ZNF512: variants seen among roughly 807,000 people sequenced by gnomAD.
ZNF512 encodes zinc finger protein 512.
A neutral mutation model predicts 77.5 loss-of-function variants in ZNF512; 25 were observed. The observed-to-expected ratio is 0.32, with a 90% CI of 0.23 to 0.45. The LOEUF is 0.45. ZNF512 is among the 20% of genes least tolerant of loss of function. The pLI is 1.00. For missense variants in ZNF512, 483 were observed against 692.6 expected (o/e 0.70, Z 3.40); for synonymous variants, 246 against 239.9 (o/e 1.03, Z -0.24).
intron 9 of ZNF512, among the ~76,000 whole-genome samples, chr2:27,606,268 G>A (rs1672354772): frequency 7.8e-6 from 1 of 128,718 alleles, no homozygotes; most frequent in South Asian, 2.5e-4. Context: ...GAAGAACAGA[G>A]TTTTAAATTT....
intron 10 of ZNF512, among the ~76,000 whole-genome samples, chr2:27,614,735 C>T (rs1056917006): frequency 6.6e-6 from 1 of 150,696 alleles, no homozygotes; most frequent in East Asian, 1.9e-4. Context: ...TTGATTTATA[C>T]ACTTCTAACC....
chr2:27,617,663 A>G (rs1237041456), intron 13 of ZNF512, 92 bp downstream of exon 13: 3 of 699,126 alleles, frequency 4.3e-6, no homozygotes, highest in Non-Finnish European at 5.3e-6. Flanking sequence ...TGTCAAGGAA[A>G]GTATCTCTAA....
intron 11 of ZNF512, among the ~76,000 whole-genome samples, chr2:27,615,761 A>G (rs901012894): frequency 2.6e-5 from 4 of 152,206 alleles, no homozygotes; most frequent in Non-Finnish European, 5.9e-5. Context: ...AGGAAGGGTA[A>G]ATAGACTCCA....
In ZNF512 at chr2:27,610,380, A is replaced by T. The variant is rs1462408876; in HGVS notation, c.1131+2341A>T. 1.4e-4 allele frequency among the ~76,000 whole-genome samples: 21 copies of T among 147,928 alleles called. No homozygotes were observed. The South Asian group carries it at 4.5e-3, about 31-fold the overall frequency. ...CTCCGTATCAAAAAAAAAAAAAATA[A>T]ATAAATAAATATTTGTTAACTCATT... On this transcript the variant is annotated intron_variant, in intron 10 of 13. Coordinates refer to ENST00000355467, the MANE Select transcript of ZNF512 (RefSeq NM_032434.4).
At chr2:27,593,769 T>TCTTC in intron 2 of ZNF512, among the ~76,000 whole-genome samples, 2 of 151,388 alleles carry the variant, frequency 1.3e-5, no homozygotes, top group African/African-American at 4.9e-5. Context: ...TGCCTTAGTA[T>TCTTC]CTTTCTTTCT....
intron 2 of ZNF512, among the ~76,000 whole-genome samples, chr2:27,591,403 T>C (rs538205827): frequency 6.6e-6 from 1 of 152,274 alleles, no homozygotes; most frequent in African/African-American, 2.4e-5. Context: ...AATGTACAAT[T>C]AAGTTCTTAA....
At chr2:27,617,705 T>C (rs1472159917) in intron 13 of ZNF512, 134 bp downstream of exon 13, 1 of 579,752 alleles carries the variant, frequency 1.7e-6, no homozygotes, top group African/African-American at 1.9e-5. Flanking sequence ...AGTTAAAATA[T>C]TCTCTAAACT....
intron 10 of ZNF512, among the ~76,000 whole-genome samples, chr2:27,608,324 G>T (rs1322162726): frequency 2.0e-5 from 3 of 152,116 alleles, no homozygotes; most frequent in Non-Finnish European, 4.4e-5. Context: ...TTTTTGTTTT[G>T]CTAGGTCATA....
At chr2:27,599,821 T>C in intron 4 of ZNF512, 143 bp downstream of exon 4, 1 of 1,140,330 alleles carries the variant, frequency 8.8e-7, no homozygotes. Context: ...GCCTCCATCC[T>C]GCCTCATTAT....
chr2:27,616,148 A>T, intron 11 of ZNF512, 114 bp from the exon 12 acceptor site: 1 of 692,386 alleles, frequency 1.4e-6, no homozygotes, highest in Non-Finnish European at 2.4e-6. Context: ...GTTTTGTGGC[A>T]CAAATTATTG....
chr2:27,589,022 T>C (rs931953577), intron 2 of ZNF512, among the ~76,000 whole-genome samples: 2 of 152,232 alleles, frequency 1.3e-5, no homozygotes, highest in African/African-American at 4.8e-5. Flanking sequence ...TAGTTGATTG[T>C]TGCTAGTATA....
At chr2:27,610,400 C>G (rs369554492) in intron 10 of ZNF512, among the ~76,000 whole-genome samples, 1 of 147,370 alleles carries the variant, frequency 6.8e-6, no homozygotes, top group Non-Finnish European at 1.5e-5. Context: ...TATTTGTTAA[C>G]TCATTGATAA....
In ZNF512 at chr2:27,583,128, G is replaced by A; in HGVS notation, c.16G>A (p.Gly6Ser). The change falls in exon 1 of 14, where the codon GGT becomes AGT. Residue 6 changes from glycine to serine, a missense_variant. Transcript: ENST00000355467. Reference sequence around the variant, plus strand: ...AGAGGGAGTGATGTCTTCCAGACTCGGTGCTGTACCCGCCGTGAGTTTCTT... The same window carrying A: ...AGAGGGAGTGATGTCTTCCAGACTCAGTGCTGTACCCGCCGTGAGTTTCTT... Reference protein sequence around the residue: MSSRLGAVPATSGPTT... With the variant: MSSRLSAVPATSGPTT... 6.2e-7 allele frequency: 1 copy of A among 1,614,120 alleles called. No homozygotes were observed. Among genetic ancestry groups the A allele is most frequent in the Non-Finnish European group, 8.5e-7 (1 of 1,180,020 alleles).
intron 10 of ZNF512, among the ~76,000 whole-genome samples, chr2:27,610,048 T>A (rs1013029549): frequency 2.8e-5 from 4 of 144,568 alleles, no homozygotes; most frequent in Non-Finnish European, 6.1e-5. Flanking sequence ...CTCAAAAAAA[T>A]AATAATAAAA....
At chr2:27,618,318 C>T (rs182289263) in intron 13 of ZNF512, among the ~76,000 whole-genome samples, 1 of 152,330 alleles carries the variant, frequency 6.6e-6, no homozygotes, top group Non-Finnish European at 1.5e-5. Flanking sequence ...GATCTCTATA[C>T]ATTCATGCCT....
intron 2 of ZNF512, among the ~76,000 whole-genome samples, chr2:27,597,441 A>G (rs1428803605): frequency 6.6e-6 from 1 of 152,226 alleles, no homozygotes; most frequent in African/African-American, 2.4e-5. Context: ...TTACAGAGTA[A>G]TGTTTTTTAG....
At position 27,617,559 on chromosome 2, in the gene ZNF512, C is replaced by T. The variant is rs147569089; in HGVS notation, c.1383C>T (p.Ser461=). The T allele has an allele frequency of 8.4e-5, 106 of 1,260,152 alleles. No individual in the cohort carries two copies. The African/African-American group carries it at 1.1e-3, about 13-fold the overall frequency. The allele number at this position is 1,260,152 out of a possible 1,614,324, so 78.1% of individuals were successfully genotyped here. Residue 461 remains serine, a synonymous_variant, in exon 13 of 14, where the codon TCC becomes TCT. Transcript: ENST00000355467. Reference sequence around the variant, plus strand: ...GTGGTGTCAAGTATCACATCAACTCCGTCCATGCTGAGGTGAGGTTTTTGT... The same window carrying T: ...GTGGTGTCAAGTATCACATCAACTCTGTCCATGCTGAGGTGAGGTTTTTGT... ...SESGVKYHIN[S]VHAEDWFVVN...
intron 2 of ZNF512, among the ~76,000 whole-genome samples, chr2:27,594,575 C>T (rs1325464820): frequency 5.4e-5 from 8 of 147,316 alleles, no homozygotes; most frequent in Non-Finnish European, 7.5e-5. Context: ...AGATGATGGG[C>T]GGCCAGGCAG....
intron 2 of ZNF512, among the ~76,000 whole-genome samples, chr2:27,587,312 T>TGTCACCCAG (rs1385692497): frequency 3.4e-5 from 5 of 149,032 alleles, no homozygotes; most frequent in African/African-American, 1.2e-4. Flanking sequence ...TGTCTCCCTC[T>TGTCACCCAG]GTCACCCAGG....
Sources: allele counts gnomAD v4.1 joint callset (sites outside exome capture counted in the v4.1 genomes callset), GRCh38; gene constraint gnomAD v4.1.1; transcripts MANE v1.5; gene names NCBI Gene and HGNC (gene_info 2026-07-23, HGNC 2026-07-21).